The following SLF2 variants were observed in gnomAD, a reference collection of about 807,000 sequenced individuals.
SLF2 encodes the protein SMC5/6 complex localization factor 2, also known as SMC5-SMC6 complex localization factor protein 2.
Under a neutral mutation model 124.3 loss-of-function variants are expected in SLF2, and 68 were observed. The ratio of observed to expected loss-of-function variants is 0.55; its 90% confidence interval spans 0.45 to 0.67. The LOEUF is 0.67. Among genes scored for constraint, SLF2 ranks in the 30% least tolerant of loss-of-function variants. SLF2 has a pLI of 0.00. For synonymous variants in SLF2, 480 were observed against 478.8 expected (o/e 1.00, Z -0.03); for missense variants, 1,246 against 1,373.7 (o/e 0.91, Z 1.47).
chr10:100,958,037 A>G (rs1321526034), intron 18 of SLF2, among the ~76,000 whole-genome samples: 1 of 152,186 alleles, frequency 6.6e-6, no homozygotes, highest in East Asian at 1.9e-4. Context: ...CGACAGAGCA[A>G]GACTCTGTCT....
chr10:100,940,462 T>C (rs2133802781), intron 11 of SLF2, among the ~76,000 whole-genome samples: 1 of 152,250 alleles, frequency 6.6e-6, no homozygotes, highest in East Asian at 1.9e-4. Context: ...CAGCCTCAAG[T>C]GATCTTCCCA....
Position 100,918,396 on chromosome 10 carries a change from C to T in SLF2, c.928C>T (p.Leu310Phe). The T allele has an allele frequency of 6.3e-7, 1 of 1,595,476 alleles. No individual in the cohort carries two copies. The highest frequency in any genetic ancestry group is 1.3e-5 in the African/African-American group (1 of 74,138). Residue 310 changes from leucine to phenylalanine, a missense_variant, in exon 4 of 20, where the codon CTC (leucine) becomes TTC (phenylalanine). By Grantham distance (22) the Leu-to-Phe change is conservative. Around this residue, in one of 3 missense-constraint regions of SLF2, gnomAD observed 698 missense variants for 708.9 expected, o/e 0.98. Transcript: ENST00000238961. Reference protein sequence around the residue: ...NNLSNVENGHLSRKRSSSDSW... With the variant: ...NNLSNVENGHFSRKRSSSDSW... ...ATTGTGCTCATAGGAAAATGGACAT[C>T]TCTCAAGAAAAAGATCCTCTTCTGA...
intron 1 of SLF2, chr10:100,913,873 G>A: frequency 4.1e-6 from 4 of 985,314 alleles, no homozygotes; most frequent in Non-Finnish European, 4.8e-6. Flanking sequence ...AATAAAACAT[G>A]TTTAAATTCC....
chr10:100,923,237 CA>C (rs1849552520), intron 4 of SLF2, among the ~76,000 whole-genome samples: 1 of 152,144 alleles, frequency 6.6e-6, no homozygotes, highest in African/African-American at 2.4e-5. Context: ...TATTGTTTCA[CA>C]GTTCTGGAAG....
chr10:100,924,382 A>G lies in SLF2; in HGVS notation c.1381A>G (p.Thr461Ala). Residue 461 changes from threonine (T) to alanine (A), a missense_variant, in exon 5 of 20, where the codon ACC becomes GCC. Physicochemically the swap from Thr to Ala is moderately conservative, Grantham distance 58. Around this residue, in one of 3 missense-constraint regions of SLF2, gnomAD observed 698 missense variants for 708.9 expected, o/e 0.98. Coordinates refer to ENST00000238961, the MANE Select transcript of SLF2 (RefSeq NM_018121.4). ...AGCTAGCAACCTTCAGAAAAATAAA[A>G]CCGCTAGCTCCACGACAAAGGAGAA... ...KKASNLQKNK[T>A]ASSTTKEKET... is the part of the protein sequence containing the mutation. 1 of 1,613,944 alleles carries G rather than the reference A, an allele frequency of 6.2e-7. No homozygotes were observed. The highest frequency in any genetic ancestry group is 1.1e-5 in the South Asian group (1 of 91,066).
Position 100,950,125 on chromosome 10 carries a change from TAAAGA to T in SLF2, c.3174_3178del (p.Lys1058AsnfsTer8), listed in dbSNP as rs772559411. The T allele has an allele frequency of 1.9e-6, 3 of 1,613,852 alleles. No individual in the cohort carries two copies. Among genetic ancestry groups the T allele is most frequent in the Non-Finnish European group, 1.7e-6 (2 of 1,179,894 alleles). On this transcript the variant is annotated frameshift_variant, in exon 16 of 20. Transcript: ENST00000238961. LOFTEE classifies it high-confidence loss of function. Reference sequence around the variant, plus strand: ...GTGCAGATGAAGCCTTCTGATTTGTTAAAGAAAATGGTCTTGAAGAAAAAGGCTGA... The same window carrying T: ...GTGCAGATGAAGCCTTCTGATTTGTTAAATGGTCTTGAAGAAAAAGGCTGA...
rs556859747 is a variant in SLF2, at chr10:100,957,147, A to G, written c.3417+610A>G. Among the ~76,000 whole-genome samples the G allele has an allele frequency of 5.0e-4, 76 of 152,124 alleles. 1 individual carries two copies. Among genetic ancestry groups the G allele is most frequent in the Non-Finnish European group, 1.0e-3 (68 of 68,022 alleles). ...TATTTTTCCCCATTACACAAATTAA[A>G]ACCTTCATGCTTAAGTTACCATCAA... On this transcript the variant is annotated intron_variant, in intron 18 of 19. Coordinates refer to ENST00000238961, the MANE Select transcript of SLF2 (RefSeq NM_018121.4).
intron 4 of SLF2, among the ~76,000 whole-genome samples, chr10:100,918,799 A>G (rs1475320776): frequency 6.6e-6 from 1 of 151,832 alleles, no homozygotes; most frequent in Non-Finnish European, 1.5e-5. Context: ...AATTTCTTGT[A>G]TTTTTGTAGA....
At chr10:100,922,409 A>T (rs1189752718) in intron 4 of SLF2, among the ~76,000 whole-genome samples, 1 of 152,140 alleles carries the variant, frequency 6.6e-6, no homozygotes, top group East Asian at 1.9e-4. Flanking sequence ...ACGGGGTTGT[A>T]CTTTTCGCAG....
At position 100,962,181 on chromosome 10, in the gene SLF2, G is replaced by A. The variant is rs761234764; in HGVS notation, c.*269G>A. The A allele has an allele frequency of 2.9e-5, 9 of 306,036 alleles. No homozygotes were observed. The highest frequency in any genetic ancestry group is 5.4e-5 in the Non-Finnish European group (9 of 166,430). 19.0% of individuals were successfully genotyped at this position (306,036 alleles called of 1,614,324 possible). A position where few individuals can be genotyped will look rare whatever the true frequency, so the allele number is the denominator to read the frequency against. On this transcript the variant is annotated 3_prime_UTR_variant, in exon 20 of 20. Transcript: ENST00000238961. ...GGGGAGGGGTAGAAGCAGAATAATA[G>A]TCATATGTCTAACCTGCCCCAGTTA... is the stretch of plus-strand genomic sequence containing the variant.
rs111347220 is a variant in SLF2, at chr10:100,926,215, G to C, written c.2042+196G>C. 1,316 of 1,544,492 alleles carry C rather than the reference G, an allele frequency of 8.5e-4. 18 individuals carry two copies. In the African/African-American group the frequency reaches 0.015, roughly 18 times the overall value. On this transcript the variant is annotated intron_variant, in intron 6 of 19. Coordinates refer to ENST00000238961, the MANE Select transcript of SLF2 (RefSeq NM_018121.4). ...TAATCACAACACTTTGGGAGACCCA[G>C]GCAAGATTACTTGAGCCCAGGAGTT...
At chr10:100,961,147 T>C (rs1433572441) in intron 19 of SLF2, among the ~76,000 whole-genome samples, 4 of 151,638 alleles carry the variant, frequency 2.6e-5, no homozygotes, top group African/African-American at 9.7e-5. Context: ...GTAGCTGGGA[T>C]TACAGGCGCC....
intron 13 of SLF2, among the ~76,000 whole-genome samples, chr10:100,945,803 G>A (rs993343752): frequency 6.6e-6 from 1 of 152,150 alleles, no homozygotes; most frequent in Non-Finnish European, 1.5e-5. Flanking sequence ...GCCTTCATGG[G>A]GCTTTTGTCC....
At chr10:100,932,369 A>G (rs1379958133) in intron 9 of SLF2, among the ~76,000 whole-genome samples, 1 of 152,238 alleles carries the variant, frequency 6.6e-6, no homozygotes, top group Non-Finnish European at 1.5e-5. Context: ...AGAGTCCTTT[A>G]TAATATGTGA....
intron 9 of SLF2, among the ~76,000 whole-genome samples, chr10:100,932,728 C>CGT (rs1470797628): frequency 6.7e-6 from 1 of 150,136 alleles, no homozygotes; most frequent in Non-Finnish European, 1.5e-5. Context: ...TGTGCGCGCG[C>CGT]GCGCGCGCGC....
At chr10:100,920,367 G>A (rs776755345) in intron 4 of SLF2, among the ~76,000 whole-genome samples, 1 of 152,080 alleles carries the variant, frequency 6.6e-6, no homozygotes, top group Non-Finnish European at 1.5e-5. Flanking sequence ...GGCTAAAGTA[G>A]TTTCATTTAT....
chr10:100,932,359 A>T (rs1333665812), intron 9 of SLF2, among the ~76,000 whole-genome samples: 8 of 152,232 alleles, frequency 5.3e-5, no homozygotes, highest in Non-Finnish European at 1.2e-4. Context: ...GTAGTATAAA[A>T]GAGTCCTTTA....
At position 100,924,120 on chromosome 10, in the gene SLF2, A is replaced by G. The variant is rs778100366; in HGVS notation, c.1119A>G (p.Lys373=). ...KRPDGPHQKE[K]FIKHIALKTP... is the part of the protein sequence containing the mutation. ...CTGATGGACCACATCAGAAAGAAAAATTTATAAAACATATTGCACTGAAGA... is the reference window on the plus strand; with the variant it reads ...CTGATGGACCACATCAGAAAGAAAAGTTTATAAAACATATTGCACTGAAGA... The change falls in exon 5 of 20, where the codon AAA becomes AAG. Residue 373 remains lysine (K), a synonymous_variant. Coordinates refer to ENST00000238961, the MANE Select transcript of SLF2 (RefSeq NM_018121.4). 5 of 1,613,016 alleles carry G rather than the reference A, an allele frequency of 3.1e-6. No homozygotes were observed. The African/African-American group carries it at 5.4e-5, about 17-fold the overall frequency.
chr10:100,930,090 T>C (rs903296987), intron 8 of SLF2, 93 bp downstream of exon 8: 14 of 745,144 alleles, frequency 1.9e-5, no homozygotes, highest in Middle Eastern at 4.1e-4. Flanking sequence ...GGTTAATTTC[T>C]ATTATGACCT....
Sources: allele counts gnomAD v4.1 joint callset (sites outside exome capture counted in the v4.1 genomes callset), GRCh38; gene constraint gnomAD v4.1.1; regional missense constraint gnomAD v4.1.1; transcripts MANE v1.5; gene names NCBI Gene and HGNC (gene_info 2026-07-23, HGNC 2026-07-21).